Variants in DNMBP observed in about 807,000 individuals in gnomAD.
DNMBP encodes the protein dynamin binding protein, also known as dynamin-binding protein.
In DNMBP, 87 loss-of-function variants were observed where a neutral mutation model predicts 150.0. The observed-to-expected ratio is 0.58, with a 90% CI of 0.49 to 0.69. The LOEUF is 0.69. DNMBP is among the 30% of genes least tolerant of loss of function. DNMBP has a pLI of 0.00. For synonymous variants in DNMBP, 711 were observed against 750.4 expected (o/e 0.95, Z 0.86); for missense variants, 1,774 against 1,949.0 (o/e 0.91, Z 1.69).
At chr10:99,912,455 C>A (rs1475837643) in intron 4 of DNMBP, among the ~76,000 whole-genome samples, 1 of 152,172 alleles carries the variant, frequency 6.6e-6, no homozygotes, top group Non-Finnish European at 1.5e-5. Context: ...AATAACAATT[C>A]TTTTAAACTA....
chr10:99,896,664 C>T (rs2039661360), intron 9 of DNMBP, among the ~76,000 whole-genome samples: 1 of 152,176 alleles, frequency 6.6e-6, no homozygotes, highest in Non-Finnish European at 1.5e-5. Context: ...AAGTCAATGC[C>T]TGGGTCTGCC....
intron 4 of DNMBP, among the ~76,000 whole-genome samples, chr10:99,935,173 C>T (rs1014390516): frequency 2.1e-4 from 31 of 148,540 alleles, no homozygotes; most frequent in Non-Finnish European, 3.6e-4. Flanking sequence ...AGGAAATGAG[C>T]AGCAGAAGTC....
intron 16 of DNMBP, among the ~76,000 whole-genome samples, chr10:99,878,541 A>G (rs2039310665): frequency 6.6e-6 from 1 of 152,226 alleles, no homozygotes; most frequent in Non-Finnish European, 1.5e-5. Context: ...AAAAACGAGC[A>G]TGCACAAAGC....
intron 1 of DNMBP, among the ~76,000 whole-genome samples, chr10:99,986,054 C>A (rs1320428052): frequency 1.3e-5 from 2 of 152,120 alleles, no homozygotes; most frequent in Non-Finnish European, 2.9e-5. Flanking sequence ...CCTGGCCTCT[C>A]AATGTCCTAG....
chr10:99,924,900 C>T (rs993578097), intron 4 of DNMBP, among the ~76,000 whole-genome samples: 1 of 152,182 alleles, frequency 6.6e-6, no homozygotes, highest in African/African-American at 2.4e-5. Flanking sequence ...GATTTTCCTG[C>T]TCCACAGCAA....
chr10:99,888,600 C>T (rs2039507485), intron 12 of DNMBP, among the ~76,000 whole-genome samples: 1 of 150,728 alleles, frequency 6.6e-6, no homozygotes, highest in Non-Finnish European at 1.5e-5. Context: ...AAATTAATCA[C>T]AAGCTATTTT....
At chr10:99,909,201 C>G in intron 4 of DNMBP, 55 bp from the exon 5 acceptor site, 1 of 1,456,588 alleles carries the variant, frequency 6.9e-7, no homozygotes, top group Admixed American at 2.0e-5. Context: ...CAGCACCCTT[C>G]CACAGTTTGA....
At chr10:99,952,774 G>T (rs1451430313) in intron 4 of DNMBP, among the ~76,000 whole-genome samples, 1 of 151,982 alleles carries the variant, frequency 6.6e-6, no homozygotes, top group African/African-American at 2.4e-5. Flanking sequence ...TTTTTTATTG[G>T]AATTTTTTTA....
At chr10:99,990,152 C>T (rs1271679590) in intron 1 of DNMBP, among the ~76,000 whole-genome samples, 1 of 152,158 alleles carries the variant, frequency 6.6e-6, no homozygotes, top group African/African-American at 2.4e-5. Flanking sequence ...CACAGAGGTA[C>T]ATGAGGTTTC....
chr10:100,006,360 T>C (rs1213833545), intron 1 of DNMBP, among the ~76,000 whole-genome samples: 1 of 152,152 alleles, frequency 6.6e-6, no homozygotes, highest in East Asian at 1.9e-4. Flanking sequence ...AATAATACCC[T>C]GCACTACTTG....
chr10:99,892,359 G>C (rs567869770), intron 11 of DNMBP, among the ~76,000 whole-genome samples: 119 of 141,684 alleles, frequency 8.4e-4, no homozygotes, highest in African/African-American at 3.1e-3. Flanking sequence ...GATGGTTGCC[G>C]TGTCTGTGTA....
chr10:99,988,922 A>G (rs2040856985), intron 1 of DNMBP, among the ~76,000 whole-genome samples: 1 of 152,166 alleles, frequency 6.6e-6, no homozygotes. Flanking sequence ...TCGGCCTCCC[A>G]AAAGTGCTGA....
At chr10:99,911,149 G>A (rs2039893863) in intron 4 of DNMBP, among the ~76,000 whole-genome samples, 1 of 152,098 alleles carries the variant, frequency 6.6e-6, no homozygotes, top group Non-Finnish European at 1.5e-5. Context: ...GCTGAGGTGG[G>A]AGGATGGCTT....
intron 1 of DNMBP, among the ~76,000 whole-genome samples, chr10:99,997,953 A>T (rs1392538109): frequency 2.0e-5 from 3 of 146,888 alleles, no homozygotes; most frequent in African/African-American, 5.1e-5. Context: ...AAAAAAAAAA[A>T]GCTGGACGCG....
intron 1 of DNMBP, among the ~76,000 whole-genome samples, chr10:99,984,238 A>G (rs1457221566): frequency 6.6e-6 from 1 of 152,236 alleles, no homozygotes; most frequent in Non-Finnish European, 1.5e-5. Flanking sequence ...GGAAATTTAC[A>G]TTCAAGAAAT....
chr10:99,982,274 G>T (rs2040786811), intron 1 of DNMBP, among the ~76,000 whole-genome samples: 2 of 151,754 alleles, frequency 1.3e-5, no homozygotes, highest in Non-Finnish European at 2.9e-5. Context: ...GTGAAATCCT[G>T]TCTCTATAAA....
In DNMBP at chr10:99,888,930, C is replaced by T; in HGVS notation, c.3180G>A (p.Val1060=). The T allele has an allele frequency of 1.2e-6, 2 of 1,614,156 alleles. No homozygotes were observed. The highest frequency in any genetic ancestry group is 1.7e-6 in the Non-Finnish European group (2 of 1,180,018). ...ACACATCCCACATGCTCACAGCAGC[C>T]ACCACTTTCACACATGCGGACTCCT... ...HIRESACVKV[V]AAVSMWDVCM... is the part of the protein sequence containing the mutation. Residue 1060 remains valine (V), a synonymous_variant, in exon 12 of 17, where the codon GTG becomes GTA. Coordinates refer to ENST00000324109, the MANE Select transcript of DNMBP (RefSeq NM_015221.4).
chr10:99,891,377 G>A (rs1262540431), intron 11 of DNMBP, among the ~76,000 whole-genome samples: 1 of 151,530 alleles, frequency 6.6e-6, no homozygotes, highest in Admixed American at 6.6e-5. Flanking sequence ...GTTTCGCTGT[G>A]TTGGCCAGGC....
rs1483189368 is a variant in DNMBP, at chr10:99,886,700, TC to T, written c.3286-69del. Reference sequence around the variant, plus strand: ...CCACATTTGTGATTATCCAAGTCACTCTTAAGGCTGACTTTGTTGTGTCCTG... The same window carrying T: ...CCACATTTGTGATTATCCAAGTCACTTTAAGGCTGACTTTGTTGTGTCCTG... On this transcript the variant is annotated intron_variant, in intron 12 of 16. Transcript: ENST00000324109. The T allele has an allele frequency of 1.2e-5, 17 of 1,461,690 alleles. No individual in the cohort carries two copies. In the African/African-American group the frequency reaches 2.1e-4, roughly 18 times the overall value. The allele number at this position is 1,461,690 out of a possible 1,614,324, so 90.5% of individuals were successfully genotyped here.
Sources: allele counts gnomAD v4.1 joint callset (sites outside exome capture counted in the v4.1 genomes callset), GRCh38; gene constraint gnomAD v4.1.1; transcripts MANE v1.5; gene names NCBI Gene and HGNC (gene_info 2026-07-23, HGNC 2026-07-21).